Variants in CRYBG1 observed in about 807,000 individuals in gnomAD.
CRYBG1 encodes crystallin beta-gamma domain containing 1.
CRYBG1 carries 139 observed loss-of-function variants against 189.2 expected under a neutral mutation model. The ratio of observed to expected loss-of-function variants is 0.73; its 90% CI spans 0.64 to 0.85. The LOEUF is 0.85. Ranked by LOEUF, CRYBG1 falls within the 40% of genes least tolerant of loss-of-function variation. The pLI, the probability that CRYBG1 is intolerant of heterozygous loss-of-function variation, is 0.00. For missense variants in CRYBG1, 2,611 were observed against 2,675.8 expected (o/e 0.98, Z 0.53); for synonymous variants, 1,023 against 1,017.1 (o/e 1.01, Z -0.11).
intron 2 of CRYBG1, among the ~76,000 whole-genome samples, chr6:106,499,143 TG>T (rs201334745): frequency 0.44 from 55,762 of 126,580 alleles, 14,192 homozygotes; most frequent in African/African-American, 0.67. Context: ...TTTGTTTGTT[TG>T]TTTGTTTGTT....
At chr6:106,506,428 T>G (rs1172960686) in intron 2 of CRYBG1, among the ~76,000 whole-genome samples, 1 of 150,968 alleles carries the variant, frequency 6.6e-6, no homozygotes, top group Non-Finnish European at 1.5e-5. Context: ...ACTCAAAATG[T>G]TATTAGATTT....
At chr6:106,415,229 G>A (rs1446629941) in intron 1 of CRYBG1, among the ~76,000 whole-genome samples, 1 of 152,180 alleles carries the variant, frequency 6.6e-6, no homozygotes, top group Non-Finnish European at 1.5e-5. Context: ...CATTTTAGAT[G>A]TATTTGTTTT....
rs149911404 is a variant in CRYBG1, at chr6:106,525,372, A to G, written c.4398A>G (p.Lys1466=). ...SWSLSPVILI[K]VVRGCWILYE... is the part of the protein sequence containing the mutation. ...GCCTCTCTCCAGTGATACTCATAAAAGTTGTTAGAGGATGGTAAGAATGGC... is the reference window on the plus strand; with the variant it reads ...GCCTCTCTCCAGTGATACTCATAAAGGTTGTTAGAGGATGGTAAGAATGGC... The change falls in exon 6 of 22, where the codon AAA becomes AAG. Residue 1466 remains lysine (K), a synonymous_variant. Transcript: ENST00000633556. The G allele has an allele frequency of 1.3e-5, 21 of 1,613,588 alleles. No individual in the cohort carries two copies. The African/African-American group carries it at 2.8e-4, about 22-fold the overall frequency.
At chr6:106,436,571 G>A (rs1307266965) in intron 1 of CRYBG1, among the ~76,000 whole-genome samples, 1 of 145,670 alleles carries the variant, frequency 6.9e-6, no homozygotes, top group Admixed American at 6.9e-5. Flanking sequence ...TGAGATTAAG[G>A]CGTGAGCCAA....
intron 7 of CRYBG1, among the ~76,000 whole-genome samples, chr6:106,528,180 G>A (rs970408338): frequency 6.6e-6 from 1 of 152,182 alleles, no homozygotes; most frequent in African/African-American, 2.4e-5. Context: ...TTTGGCAGAG[G>A]AAAGCATCGC....
intron 18 of CRYBG1, among the ~76,000 whole-genome samples, chr6:106,560,324 G>A (rs1774679090): frequency 6.6e-6 from 1 of 152,220 alleles, no homozygotes; most frequent in Non-Finnish European, 1.5e-5. Flanking sequence ...CCTCAGGTGT[G>A]CAGCAGTAGC....
At chr6:106,493,465 A>G (rs952755571) in intron 2 of CRYBG1, among the ~76,000 whole-genome samples, 1 of 152,240 alleles carries the variant, frequency 6.6e-6, no homozygotes, top group African/African-American at 2.4e-5. Flanking sequence ...TAGACTTACC[A>G]TATAATCTAC....
At chr6:106,556,471 T>C (rs935350940) in intron 17 of CRYBG1, among the ~76,000 whole-genome samples, 15 of 152,348 alleles carry the variant, frequency 9.8e-5, no homozygotes, top group African/African-American at 3.4e-4. Context: ...CCTTATAGGT[T>C]TTTAGTCTAT....
chr6:106,433,958 C>G (rs1459915488), intron 1 of CRYBG1, among the ~76,000 whole-genome samples: 1 of 151,780 alleles, frequency 6.6e-6, no homozygotes. Flanking sequence ...TTAGGAGCAG[C>G]TTAGCTGATT....
At chr6:106,409,621 C>T (rs2114369297) in intron 1 of CRYBG1, among the ~76,000 whole-genome samples, 3 of 152,250 alleles carry the variant, frequency 2.0e-5, no homozygotes, top group Admixed American at 2.0e-4. Context: ...TGACTTCAAA[C>T]TATACTACAA....
intron 1 of CRYBG1, among the ~76,000 whole-genome samples, chr6:106,369,582 G>T (rs1002383254): frequency 3.3e-5 from 5 of 152,086 alleles, no homozygotes; most frequent in African/African-American, 1.2e-4. Flanking sequence ...ATAGTCTTTG[G>T]ATTCGTTTTT....
chr6:106,546,218 T>C (rs1304341850), intron 13 of CRYBG1, among the ~76,000 whole-genome samples: 4 of 152,168 alleles, frequency 2.6e-5, no homozygotes, highest in Non-Finnish European at 5.9e-5. Flanking sequence ...AGTGGGGAGA[T>C]AGATGCCAGA....
chr6:106,441,810 C>T (rs1430569575), intron 1 of CRYBG1, among the ~76,000 whole-genome samples: 1 of 152,052 alleles, frequency 6.6e-6, no homozygotes, highest in Non-Finnish European at 1.5e-5. Context: ...GTAAGTGGAA[C>T]ACGATGAAAC....
At chr6:106,518,881 C>T (rs1161905701) in intron 3 of CRYBG1, among the ~76,000 whole-genome samples, 2 of 151,958 alleles carry the variant, frequency 1.3e-5, no homozygotes, top group East Asian at 3.9e-4. Flanking sequence ...ATTGCCTGAG[C>T]CCAGGAGTTC....
intron 8 of CRYBG1, among the ~76,000 whole-genome samples, chr6:106,533,567 T>C (rs548791285): frequency 6.6e-6 from 1 of 152,190 alleles, no homozygotes; most frequent in African/African-American, 2.4e-5. Flanking sequence ...CAAGAAGAGA[T>C]GGTGGCTTAG....
Position 106,521,211 on chromosome 6 carries a change from C to T in CRYBG1, c.4003C>T (p.Gln1335Ter). 1.9e-6 allele frequency: 3 copies of T among 1,613,836 alleles called. No individual in the cohort carries two copies. The highest frequency in any genetic ancestry group is 2.2e-5 in the East Asian group (1 of 44,894). Residue 1335 changes from glutamine (Q) to a stop codon, truncating the protein, a stop_gained, in exon 4 of 22, where the codon CAA (glutamine) becomes TAA (stop). Transcript: ENST00000633556. LOFTEE classifies it high-confidence loss of function. ...TCCAAGCCACATGGAAAAATACCCG[C>T]AAAAAGAGAAAACCAAAGAAGATCT... ...KSPSHMEKYP[Q>*]KEKTKEDLDS...
intron 1 of CRYBG1, among the ~76,000 whole-genome samples, chr6:106,367,856 A>G (rs970104068): frequency 6.6e-6 from 1 of 150,636 alleles, no homozygotes; most frequent in Non-Finnish European, 1.5e-5. Context: ...GGTCTCAGCT[A>G]CTGGGGAGGC....
chr6:106,439,312 C>T (rs1185270527), intron 1 of CRYBG1, among the ~76,000 whole-genome samples: 1 of 152,028 alleles, frequency 6.6e-6, no homozygotes, highest in Non-Finnish European at 1.5e-5. Flanking sequence ...ATGAATTTCT[C>T]ATTTTTAGAA....
intron 1 of CRYBG1, among the ~76,000 whole-genome samples, chr6:106,393,185 G>A (rs969809370): frequency 5.9e-5 from 9 of 152,176 alleles, no homozygotes; most frequent in African/African-American, 2.2e-4. Flanking sequence ...TGTAAACATT[G>A]GGCTAGCTCA....
Sources: allele counts gnomAD v4.1 joint callset (sites outside exome capture counted in the v4.1 genomes callset), GRCh38; gene constraint gnomAD v4.1.1; transcripts MANE v1.5; gene names NCBI Gene and HGNC (gene_info 2026-07-23, HGNC 2026-07-21).